The following ZNF678 variants were observed in gnomAD, a reference collection of about 807,000 sequenced individuals.
ZNF678 encodes zinc finger protein 678.
ZNF678 carries 5 observed loss-of-function variants against 3.0 expected under a neutral mutation model. That is an observed-to-expected ratio of 1.69 (90% CI 0.88 to 3.56). ZNF678 has a LOEUF of 3.56. Among genes scored for constraint, ZNF678 ranks in the 30% most tolerant of loss-of-function variants. ZNF678 has a pLI of 0.00. For missense variants in ZNF678, 593 were observed against 605.0 expected (o/e 0.98, Z 0.21); for synonymous variants, 218 against 199.6 (o/e 1.09, Z -0.78).
rs374293538 is a variant in ZNF678 at position 227,629,196 on chromosome 1, G to C, written c.-163-17348G>C. Among the ~76,000 whole-genome samples the C allele has an allele frequency of 1.6e-4, 24 of 152,254 alleles. 1 individual carries two copies. In the South Asian group the frequency reaches 5.0e-3, roughly 32 times the overall value. ...CTTCTTGTGCCTCGGGTCTAAGGGG[G>C]TACTGCCTTTGGTAGGGAAAGGAGG... On this transcript the variant is annotated intron_variant, in intron 1 of 3. Coordinates refer to ENST00000343776, the MANE Select transcript of ZNF678 (RefSeq NM_001367909.1).
intron 5 of ZNF678, among the ~76,000 whole-genome samples, chr1:227,668,994 G>A (rs1322968292): frequency 1.3e-5 from 2 of 151,596 alleles, no homozygotes; most frequent in Non-Finnish European, 2.9e-5. Context: ...CCTCAACATC[G>A]ACTTTGGCAA....
chr1:227,571,449 C>T (rs1656838816), intron 1 of ZNF678, among the ~76,000 whole-genome samples: 1 of 152,082 alleles, frequency 6.6e-6, no homozygotes, highest in Non-Finnish European at 1.5e-5. Flanking sequence ...TTATTGTATT[C>T]TTGGTTTTAC....
downstream of ZNF678, among the ~76,000 whole-genome samples, chr1:227,663,556 T>C (rs1484138170): frequency 2.6e-5 from 4 of 152,222 alleles, no homozygotes; most frequent in East Asian, 5.8e-4. Flanking sequence ...AAAATACTCG[T>C]GTGTAAGGTA....
chr1:227,617,660 T>C (rs555035662), intron 1 of ZNF678, among the ~76,000 whole-genome samples: 6 of 152,192 alleles, frequency 3.9e-5, no homozygotes, highest in Non-Finnish European at 5.9e-5. Flanking sequence ...CTATGGCGTA[T>C]CAGTTCATTG....
rs1448682501 is a variant in ZNF678, at chr1:227,655,638, G to A, written c.1388G>A (p.Cys463Tyr). The A allele has an allele frequency of 2.5e-6, 4 of 1,612,680 alleles. No homozygotes were observed. The highest frequency in any genetic ancestry group is 2.2e-5 in the East Asian group (1 of 44,818). ...RIHTEEKPYK[C>Y]EECGKAFNQF... ...CATACTGAAGAGAAACCCTACAAAT[G>A]TGAAGAATGTGGCAAAGCCTTTAAC... Residue 463 changes from cysteine to tyrosine, a missense_variant, in exon 4 of 4, where the codon TGT (cysteine) becomes TAT (tyrosine). Physicochemically the swap from Cys to Tyr is radical, Grantham distance 194 (BLOSUM62 -2). Transcript: ENST00000343776.
intron 1 of ZNF678, among the ~76,000 whole-genome samples, chr1:227,630,495 A>G (rs10916179): frequency 0.48 from 73,089 of 152,042 alleles, 18,746 homozygotes; most frequent in African/African-American, 0.66. Flanking sequence ...TGGGGTTAGC[A>G]TCTGATCTAG....
At position 227,599,240 on chromosome 1, in the gene ZNF678, C is replaced by A; in HGVS notation, c.-164+35516C>A. ...TGTTTTTGTTTTTAACAGTATTGAT[C>A]ACATTCTAATTCCGTTGGTATCATG... On this transcript the variant is annotated intron_variant, in intron 1 of 3. Coordinates refer to ENST00000343776, the MANE Select transcript of ZNF678 (RefSeq NM_001367909.1). 3 of 697,978 alleles carry A rather than the reference C, an allele frequency of 4.3e-6. No homozygotes were observed. The South Asian group carries it at 4.7e-5, about 11-fold the overall frequency. 43.2% of individuals were successfully genotyped at this position (697,978 alleles called of 1,614,324 possible). A position where few individuals can be genotyped will look rare whatever the true frequency, so the allele number is the denominator to read the frequency against.
intron 1 of ZNF678, among the ~76,000 whole-genome samples, chr1:227,587,816 CTTT>C (rs199804279): frequency 1.6e-5 from 2 of 127,676 alleles, no homozygotes; most frequent in Non-Finnish European, 1.7e-5. Context: ...TCACCCTTTC[CTTT>C]TTTTTTTTTT....
intron 1 of ZNF678, among the ~76,000 whole-genome samples, chr1:227,633,026 G>A (rs1426858754): frequency 2.0e-5 from 3 of 152,128 alleles, no homozygotes; most frequent in Non-Finnish European, 4.4e-5. Context: ...GACAAACCCA[G>A]GCACTTAGCC....
rs1311593071 is a variant in ZNF678, at chr1:227,643,843, ATTTTCTTTTC to A, written c.-163-2686_-163-2677del. On this transcript the variant is annotated intron_variant, in intron 1 of 3. Transcript: ENST00000343776. ...TCTATATTTAGCTTTTATTTTATAT[ATTTTCTTTTC>A]TTTTCTTTTCTTTTTTTTTTTTTTT... Among the ~76,000 whole-genome samples the A allele has an allele frequency of 6.4e-3, 877 of 136,282 alleles. 3 individuals are homozygous for A. Among genetic ancestry groups the A allele is most frequent in the African/African-American group, 0.02 (718 of 36,674 alleles). 89.4% of individuals were successfully genotyped at this position (136,282 alleles called of 152,430 possible).
Position 227,646,587 on chromosome 1 carries a change from A to C in ZNF678, c.-120A>C. On this transcript the variant is annotated 5_prime_UTR_variant, in exon 2 of 4. Transcript: ENST00000343776. ...GATGTGGTCATAGAATTCTCTCCAGAGGAGTGGGCATGCCTGGACCCTGCC... is the reference window on the plus strand; with the variant it reads ...GATGTGGTCATAGAATTCTCTCCAGCGGAGTGGGCATGCCTGGACCCTGCC... 1 of 1,372,126 alleles carries C rather than the reference A, an allele frequency of 7.3e-7. No individual in the cohort carries two copies. The highest frequency in any genetic ancestry group is 9.8e-7 in the Non-Finnish European group (1 of 1,024,520). The allele number at this position is 1,372,126 out of a possible 1,614,324, so 85.0% of individuals were successfully genotyped here.
rs139367479 is a variant in ZNF678 at position 227,637,170 on chromosome 1, A to G, written c.-163-9374A>G. Among the ~76,000 whole-genome samples the G allele has an allele frequency of 2.8e-3, 430 of 152,306 alleles. 4 individuals are homozygous for G. The highest frequency in any genetic ancestry group is 0.01 in the African/African-American group (418 of 41,562). On this transcript the variant is annotated intron_variant, in intron 1 of 3. Transcript: ENST00000343776. ...TTGGTCTTAGGTTTGGAAGAGGTAT[A>G]AGTAAGGTTTGAACAGTGTTCACAC...
intron 1 of ZNF678, among the ~76,000 whole-genome samples, chr1:227,564,884 ACCACCCCCG>A (rs1355831025): frequency 6.6e-6 from 1 of 151,246 alleles, no homozygotes; most frequent in Non-Finnish European, 1.5e-5. Context: ...GACCCGCGCC[ACCACCCCCG>A]GCTAATTTTT....
chr1:227,596,433 A>G lies in ZNF678; in HGVS notation c.-164+32709A>G, dbSNP rs147582005. Among the ~76,000 whole-genome samples the G allele has an allele frequency of 7.3e-3, 1,113 of 152,332 alleles. 45 individuals are homozygous for G. Among genetic ancestry groups the G allele is most frequent in the East Asian group, 0.071 (367 of 5,180 alleles). On this transcript the variant is annotated intron_variant, in intron 1 of 3. Transcript: ENST00000343776. ...GGCTCACCAGTAATCAGAACGAAACAGAACAGGACAGGGATTTTTACAATG... is the reference window on the plus strand; with the variant it reads ...GGCTCACCAGTAATCAGAACGAAACGGAACAGGACAGGGATTTTTACAATG...
intron 1 of ZNF678, among the ~76,000 whole-genome samples, chr1:227,621,262 T>A (rs1179619870): frequency 6.6e-6 from 1 of 152,182 alleles, no homozygotes; most frequent in African/African-American, 2.4e-5. Context: ...AAGTTTCTAT[T>A]TTTTCTCATT....
At chr1:227,617,469 G>T (rs1571889667) in intron 1 of ZNF678, among the ~76,000 whole-genome samples, 1 of 152,284 alleles carries the variant, frequency 6.6e-6, no homozygotes, top group South Asian at 2.1e-4. Context: ...GATAGGGCCT[G>T]GTTTAACAAA....
At chr1:227,663,959 A>G (rs940377783), downstream of ZNF678, among the ~76,000 whole-genome samples, 2 of 152,182 alleles carry the variant, frequency 1.3e-5, no homozygotes, top group Admixed American at 1.3e-4. Flanking sequence ...TCATCCAAAG[A>G]GATGGAGTAG....
chr1:227,616,923 G>A (rs1371976632), intron 1 of ZNF678, among the ~76,000 whole-genome samples: 1 of 152,194 alleles, frequency 6.6e-6, no homozygotes, highest in African/African-American at 2.4e-5. Context: ...CAGAGCAAGA[G>A]AAGTCTCTGC....
chr1:227,567,243 A>G (rs1234633145), intron 1 of ZNF678, among the ~76,000 whole-genome samples: 2 of 152,356 alleles, frequency 1.3e-5, no homozygotes, highest in South Asian at 2.1e-4. Flanking sequence ...TCCTTTTGAA[A>G]TATAAAATGT....
Sources: gnomAD v4.1 joint callset for allele counts (sites outside exome capture counted in the v4.1 genomes callset) on GRCh38, gnomAD v4.1.1 for gene constraint, MANE v1.5 for transcripts, NCBI Gene and HGNC (gene_info 2026-07-23, HGNC 2026-07-21) for gene names.